Variants in ZHX3 observed in about 807,000 individuals in gnomAD.
ZHX3 encodes the protein zinc fingers and homeoboxes 3, also known as zinc fingers and homeoboxes protein 3.
In ZHX3, 20 loss-of-function variants were observed where a neutral mutation model predicts 64.5. The ratio of observed to expected loss-of-function variants is 0.31; its 90% CI spans 0.22 to 0.45. ZHX3 has a LOEUF of 0.45. Ranked by LOEUF, ZHX3 falls within the 20% of genes least tolerant of loss-of-function variation. ZHX3 has a pLI of 1.00. For missense variants in ZHX3, 1,041 were observed against 1,195.8 expected (o/e 0.87, Z 1.91); for synonymous variants, 423 against 461.6 (o/e 0.92, Z 1.07).
intron 2 of ZHX3, among the ~76,000 whole-genome samples, chr20:41,248,579 CAGGAAA>C (rs1274109605): frequency 1.3e-5 from 2 of 152,130 alleles, no homozygotes; most frequent in Admixed American, 1.3e-4. Flanking sequence ...TGCCAGAGCT[CAGGAAA>C]AGAAAATTTT....
intron 2 of ZHX3, among the ~76,000 whole-genome samples, chr20:41,218,273 G>A (rs781112882): frequency 7.2e-5 from 11 of 152,120 alleles, no homozygotes; most frequent in South Asian, 2.1e-4. Context: ...AGGAGACTCC[G>A]TCTCTACAAA....
At chr20:41,263,464 G>A (rs1375530755) in intron 2 of ZHX3, among the ~76,000 whole-genome samples, 22 of 150,614 alleles carry the variant, frequency 1.5e-4, no homozygotes, top group African/African-American at 5.4e-4. Context: ...GCGTGATCTC[G>A]GCTCACTGCA....
chr20:41,194,353 A>G (rs933982841), intron 3 of ZHX3, among the ~76,000 whole-genome samples: 1 of 152,080 alleles, frequency 6.6e-6, no homozygotes, highest in African/African-American at 2.4e-5. Flanking sequence ...TATTCTCTTT[A>G]TTCTTGTAAT....
At chr20:41,272,471 G>A (rs760193994) in intron 1 of ZHX3, among the ~76,000 whole-genome samples, 4 of 152,108 alleles carry the variant, frequency 2.6e-5, no homozygotes, top group Non-Finnish European at 4.4e-5. Context: ...CATTACTGAT[G>A]AAATATTTTC....
chr20:41,254,197 C>A (rs1358065074), intron 2 of ZHX3, among the ~76,000 whole-genome samples: 1 of 152,116 alleles, frequency 6.6e-6, no homozygotes. Flanking sequence ...AATAAAAATA[C>A]TTGTTAGTTC....
chr20:41,268,843 CAAGG>C (rs2042990354), intron 2 of ZHX3, 143 bp downstream of exon 2: 1 of 152,128 alleles, frequency 6.6e-6, no homozygotes, highest in Non-Finnish European at 1.5e-5. Context: ...CAATAAAAAA[CAAGG>C]GAGGAGAAAA....
intron 3 of ZHX3, among the ~76,000 whole-genome samples, chr20:41,196,442 A>AATATAT (rs2037582296): frequency 1.6e-4 from 9 of 57,004 alleles, no homozygotes; most frequent in Admixed American, 6.6e-4. Context: ...AAATATATAT[A>AATATAT]TTATATATAA....
Position 41,201,476 on chromosome 20 carries a change from G to A in ZHX3, c.2860+581C>T, listed in dbSNP as rs976428944. 9 of 966,762 alleles carry A rather than the reference G, an allele frequency of 9.3e-6. No homozygotes were observed. Among genetic ancestry groups the A allele is most frequent in the African/African-American group, 5.1e-5 (3 of 58,610 alleles). The allele number at this position is 966,762 out of a possible 1,614,324, so 59.9% of individuals were successfully genotyped here. ...ATCTTCTATGATACATTTTGCTTTCGAGTACAATCCAGAGAAACTGAGGAA... is the reference window on the plus strand; with the variant it reads ...ATCTTCTATGATACATTTTGCTTTCAAGTACAATCCAGAGAAACTGAGGAA... On this transcript the variant is annotated intron_variant, in intron 3 of 3. Coordinates refer to ENST00000683867, the MANE Select transcript of ZHX3 (RefSeq NM_001384317.1). This position sits in a 1 kb window ranked among gnomAD's most constrained non-coding sequence, Gnocchi z 5.0.
chr20:41,186,420 C>G (rs2036529209), intron 3 of ZHX3, among the ~76,000 whole-genome samples: 1 of 152,178 alleles, frequency 6.6e-6, no homozygotes, highest in Non-Finnish European at 1.5e-5. Flanking sequence ...TTGTTTCCGC[C>G]TTTTGGCTAC....
chr20:41,219,537 T>C lies in ZHX3; in HGVS notation c.-150-14471A>G, dbSNP rs1377331015. Among the ~76,000 whole-genome samples the C allele has an allele frequency of 6.6e-6, 1 of 152,240 alleles. No individual in the cohort carries two copies. Among genetic ancestry groups the C allele is most frequent in the Non-Finnish European group, 1.5e-5 (1 of 68,048 alleles). ...AGATGTTTGAAATGGTTCCTTGTAG[T>C]AAGCACCAAAAACAACAAAACCTTC... On this transcript the variant is annotated intron_variant, in intron 2 of 3. Transcript: ENST00000683867. The surrounding 1 kb of genome is among the most constrained non-coding windows in gnomAD (Gnocchi z 5.0).
chr20:41,186,526 C>T (rs1299137153), intron 3 of ZHX3, among the ~76,000 whole-genome samples: 1 of 152,328 alleles, frequency 6.6e-6, no homozygotes, highest in South Asian at 2.1e-4. Context: ...ATTGCTGGAT[C>T]ACATGGTAAT....
At chr20:41,213,443 G>T (rs886904366) in intron 2 of ZHX3, among the ~76,000 whole-genome samples, 1 of 152,152 alleles carries the variant, frequency 6.6e-6, no homozygotes, top group Non-Finnish European at 1.5e-5. Context: ...ACTCACCTTG[G>T]TAATATTTAC....
intron 1 of ZHX3, among the ~76,000 whole-genome samples, chr20:41,284,875 C>A (rs2043859601): frequency 6.6e-6 from 1 of 152,144 alleles, no homozygotes; most frequent in East Asian, 1.9e-4. Flanking sequence ...CTCTCACTAG[C>A]TATGCTTCAT....
chr20:41,204,996 A>C lies in ZHX3; in HGVS notation c.-80T>G. ...CAATACAAGTTCCAGCTTCTCGATGAGGGCCAAAGAAACAGTTTCTAAATG... is the reference window on the plus strand; with the variant it reads ...CAATACAAGTTCCAGCTTCTCGATGCGGGCCAAAGAAACAGTTTCTAAATG... On this transcript the variant is annotated 5_prime_UTR_variant, in exon 3 of 4. Coordinates refer to ENST00000683867, the MANE Select transcript of ZHX3 (RefSeq NM_001384317.1). This position sits in a 1 kb window ranked among gnomAD's most constrained non-coding sequence, Gnocchi z 6.6. The C allele has an allele frequency of 7.0e-7, 1 of 1,425,026 alleles. No homozygotes were observed. Among genetic ancestry groups the C allele is most frequent in the East Asian group, 2.5e-5 (1 of 40,040 alleles). 88.3% of individuals were successfully genotyped at this position (1,425,026 alleles called of 1,614,324 possible).
chr20:41,308,766 A>T (rs917835276), intron 1 of ZHX3, among the ~76,000 whole-genome samples: 3 of 152,232 alleles, frequency 2.0e-5, no homozygotes, highest in Admixed American at 2.0e-4. Context: ...CAGTATCATA[A>T]TATTAAATAT....
intron 1 of ZHX3, among the ~76,000 whole-genome samples, chr20:41,288,809 G>C (rs1361828424): frequency 2.0e-5 from 3 of 152,060 alleles, no homozygotes; most frequent in Admixed American, 1.3e-4. Flanking sequence ...ATACTATAAG[G>C]GTGGGTATCC....
intron 1 of ZHX3, among the ~76,000 whole-genome samples, chr20:41,312,184 G>A (rs1399605581): frequency 2.6e-5 from 4 of 152,068 alleles, no homozygotes; most frequent in South Asian, 2.1e-4. Context: ...CGCACCAATC[G>A]GCACCCTGTA....
chr20:41,301,975 A>C (rs2044828377), intron 1 of ZHX3, among the ~76,000 whole-genome samples: 2 of 143,710 alleles, frequency 1.4e-5, no homozygotes, highest in East Asian at 2.2e-4. Context: ...AATGGCGTGA[A>C]CCCGGGAGGC....
rs2036144290 is a variant in ZHX3 at position 41,178,885 on chromosome 20, C to T, written c.*6306G>A. The T allele has an allele frequency of 6.6e-6, 1 of 152,646 alleles. No individual in the cohort carries two copies. The highest frequency in any genetic ancestry group is 6.5e-5 in the Admixed American group (1 of 15,286). The allele number at this position is 152,646 out of a possible 1,614,324, so 9.5% of individuals were successfully genotyped here. ...CATTGTGCCTCAAAACAAACAAAAA[C>T]AGGGCAGTTGCCTCTTACTTGTTTA... On this transcript the variant is annotated 3_prime_UTR_variant, in exon 4 of 4. Transcript: ENST00000683867.
Sources: allele counts gnomAD v4.1 joint callset (sites outside exome capture counted in the v4.1 genomes callset), GRCh38; gene constraint gnomAD v4.1.1; non-coding constraint Gnocchi (gnomAD v3.1); transcripts MANE v1.5; gene names NCBI Gene and HGNC (gene_info 2026-07-23, HGNC 2026-07-21).